PDE9A: variants seen among roughly 807,000 people sequenced by gnomAD.
PDE9A encodes high affinity cGMP-specific 3',5'-cyclic phosphodiesterase 9A.
A neutral mutation model predicts 87.4 loss-of-function variants in PDE9A; 60 were observed. The observed-to-expected ratio is 0.69, with a 90% CI of 0.56 to 0.85. PDE9A has a LOEUF of 0.85. Among genes scored for constraint, PDE9A ranks in the 40% least tolerant of loss-of-function variants. The probability of loss-of-function intolerance (pLI) is 0.00; values close to 1 mark genes in which losing one functional copy is unlikely to be tolerated. For synonymous variants in PDE9A, 272 were observed against 279.4 expected (o/e 0.97, Z 0.27); for missense variants, 665 against 779.0 (o/e 0.85, Z 1.74).
chr21:42,760,842 G>A lies in PDE9A; in HGVS notation c.1020G>A (p.Thr340=), dbSNP rs138593325. ...LCSLQEKFSQ[T]DILILMTAAI... Reference sequence around the variant, plus strand: ...CAATCCAGGAGAAGTTCTCACAAACGGATATCCTGATCCTAATGACAGCGG... The same window carrying A: ...CAATCCAGGAGAAGTTCTCACAAACAGATATCCTGATCCTAATGACAGCGG... Residue 340 remains threonine, a synonymous_variant, in exon 13 of 20, where the codon ACG becomes ACA. Coordinates refer to ENST00000291539, the MANE Select transcript of PDE9A (RefSeq NM_002606.3). The surrounding 1 kb of genome is among the most constrained non-coding windows in gnomAD (Gnocchi z 5.2). 1.2e-5 allele frequency: 20 copies of A among 1,608,556 alleles called. No individual in the cohort carries two copies. The East Asian group carries it at 3.4e-4, about 27-fold the overall frequency.
At chr21:42,679,345 C>T (rs188336339) in intron 1 of PDE9A, among the ~76,000 whole-genome samples, 169 of 152,304 alleles carry the variant, frequency 1.1e-3, no homozygotes, top group African/African-American at 3.7e-3. Context: ...CCCTCCCTCC[C>T]GCCCAGCTCA....
At chr21:42,769,673 TGCACACACAG>T (rs1201151353) in intron 17 of PDE9A, among the ~76,000 whole-genome samples, 3 of 38,014 alleles carry the variant, frequency 7.9e-5, no homozygotes, top group African/African-American at 2.2e-4. Flanking sequence ...GGCACACAAA[TGCACACACAG>T]GCACACACAT....
intron 1 of PDE9A, among the ~76,000 whole-genome samples, chr21:42,684,982 TA>T (rs10710961): frequency 0.41 from 60,122 of 146,280 alleles, 13,113 homozygotes; most frequent in African/African-American, 0.61. Context: ...AATCTTAGCT[TA>T]AAAAAAAAAA....
At chr21:42,677,025 G>C (rs182579257) in intron 1 of PDE9A, among the ~76,000 whole-genome samples, 1 of 152,174 alleles carries the variant, frequency 6.6e-6, no homozygotes, top group East Asian at 1.9e-4. Flanking sequence ...GGGAGGAGCA[G>C]AGCCCGCTCT....
At chr21:42,725,964 A>C (rs1009064576) in intron 4 of PDE9A, among the ~76,000 whole-genome samples, 1 of 152,168 alleles carries the variant, frequency 6.6e-6, no homozygotes, top group Admixed American at 6.5e-5. Context: ...CGAGTGAGTG[A>C]GCCGTGTTTC....
chr21:42,715,188 C>CTTTTT (rs369972172), intron 4 of PDE9A, among the ~76,000 whole-genome samples: 45 of 104,638 alleles, frequency 4.3e-4, no homozygotes, highest in African/African-American at 9.7e-4. Flanking sequence ...TGCATCTTTA[C>CTTTTT]TTTTTTTTTT....
intron 8 of PDE9A, among the ~76,000 whole-genome samples, chr21:42,747,419 CCG>C (rs2053978225): frequency 6.6e-6 from 1 of 152,212 alleles, no homozygotes; most frequent in Non-Finnish European, 1.5e-5. Flanking sequence ...TAGCTCAGCC[CCG>C]TGCCACACAA....
At chr21:42,773,712 A>G (rs926716763) in intron 19 of PDE9A, among the ~76,000 whole-genome samples, 1 of 146,396 alleles carries the variant, frequency 6.8e-6, no homozygotes, top group Non-Finnish European at 1.5e-5. Context: ...GAGGCAGGAG[A>G]ATGGAGTGAA....
chr21:42,714,632 G>GTTAGCTCTACCAGTATTTGTTGA (rs2049685075), intron 4 of PDE9A, among the ~76,000 whole-genome samples: 1 of 149,596 alleles, frequency 6.7e-6, no homozygotes, highest in Non-Finnish European at 1.5e-5. Flanking sequence ...TATGGTTGGG[G>GTTAGCTCTACCAGTATTTGTTGA]TTAGCTCTAC....
intron 7 of PDE9A, among the ~76,000 whole-genome samples, chr21:42,740,794 TA>T (rs2053170500): frequency 6.6e-6 from 1 of 151,490 alleles, no homozygotes. Flanking sequence ...GATAGATAGA[TA>T]GATAAACAGG....
intron 7 of PDE9A, among the ~76,000 whole-genome samples, chr21:42,743,541 C>T (rs930518100): frequency 1.3e-5 from 2 of 152,176 alleles, no homozygotes; most frequent in East Asian, 1.9e-4. Context: ...CGGATGGATG[C>T]GGTAGTGCAG....
Position 42,720,631 on chromosome 21 carries a change from A to C in PDE9A, c.263-11139A>C, listed in dbSNP as rs373594016. 1.2e-4 allele frequency among the ~76,000 whole-genome samples: 19 copies of C among 152,358 alleles called. No individual in the cohort carries two copies. The South Asian group carries it at 1.9e-3, about 15-fold the overall frequency. ...CGTCTTTGCAGCTCTAAATAGGAACATGGTGGAGTAGGGCAGGTCGGGCTT... is the reference window on the plus strand; with the variant it reads ...CGTCTTTGCAGCTCTAAATAGGAACCTGGTGGAGTAGGGCAGGTCGGGCTT... On this transcript the variant is annotated intron_variant, in intron 4 of 19. Transcript: ENST00000291539.
In PDE9A at chr21:42,695,129, A is replaced by C. The variant is rs1309459247; in HGVS notation, c.219-3839A>C. On this transcript the variant is annotated intron_variant, in intron 3 of 19. Coordinates refer to ENST00000291539, the MANE Select transcript of PDE9A (RefSeq NM_002606.3). This position sits in a 1 kb window ranked among gnomAD's most constrained non-coding sequence, Gnocchi z 4.3. ...AAATAACCTGGAACACGTTTACATC[A>C]TGGAAAATATGGAAAATAGGCTGAT... Among the ~76,000 whole-genome samples the C allele has an allele frequency of 1.3e-5, 2 of 152,236 alleles. No individual in the cohort carries two copies. Among genetic ancestry groups the C allele is most frequent in the Admixed American group, 1.3e-4 (2 of 15,292 alleles).
rs1052246031 is a variant in PDE9A at position 42,694,822 on chromosome 21, A to C, written c.219-4146A>C. ...AGTTCTCCAGTGGCCTGTTGGCTAC[A>C]GGACACTCTCCAGCCCCCCGCATTG... On this transcript the variant is annotated intron_variant, in intron 3 of 19. Coordinates refer to ENST00000291539, the MANE Select transcript of PDE9A (RefSeq NM_002606.3). The surrounding 1 kb of genome is among the most constrained non-coding windows in gnomAD (Gnocchi z 5.3). Among the ~76,000 whole-genome samples the C allele has an allele frequency of 2.6e-5, 4 of 152,182 alleles. No individual in the cohort carries two copies. Among genetic ancestry groups the C allele is most frequent in the African/African-American group, 9.7e-5 (4 of 41,444 alleles).
rs1292502338 is a variant in PDE9A at position 42,733,023 on chromosome 21, C to T, written c.498-333C>T. Among the ~76,000 whole-genome samples the T allele has an allele frequency of 2.6e-5, 4 of 152,200 alleles. No homozygotes were observed. The East Asian group carries it at 7.7e-4, about 29-fold the overall frequency. The stretch of plus-strand genomic sequence containing the variant: ...TGTCTGTGCCCATCAGGGGAAGGTG[C>T]GGGGACTGGACCATCTCAACTGCAT... On this transcript the variant is annotated intron_variant, in intron 6 of 19. Transcript: ENST00000291539.
intron 9 of PDE9A, among the ~76,000 whole-genome samples, chr21:42,752,414 A>C (rs1602466895): frequency 6.6e-6 from 1 of 151,976 alleles, no homozygotes; most frequent in African/African-American, 2.4e-5. Context: ...GATTACAGGC[A>C]CCCACCGCCA....
intron 1 of PDE9A, among the ~76,000 whole-genome samples, chr21:42,664,760 A>G (rs2057846062): frequency 1.3e-5 from 2 of 152,162 alleles, no homozygotes; most frequent in African/African-American, 4.8e-5. Flanking sequence ...CACCACTCTT[A>G]TCTGATGCCT....
At chr21:42,769,623 T>TGCACACACAG (rs1400246827) in intron 17 of PDE9A, among the ~76,000 whole-genome samples, 1 of 35,346 alleles carries the variant, frequency 2.8e-5, no homozygotes, top group African/African-American at 2.2e-4. Context: ...CAGGTACACA[T>TGCACACACAG]GCACACACAG....
intron 1 of PDE9A, among the ~76,000 whole-genome samples, chr21:42,654,547 A>G (rs2056905065): frequency 2.6e-5 from 4 of 152,130 alleles, no homozygotes; most frequent in Admixed American, 2.6e-4. Context: ...GCCGGCTTGG[A>G]AGGGGCTCTC....
Sources: allele counts gnomAD v4.1 joint callset (sites outside exome capture counted in the v4.1 genomes callset), GRCh38; gene constraint gnomAD v4.1.1; non-coding constraint Gnocchi (gnomAD v3.1); transcripts MANE v1.5; gene names NCBI Gene and HGNC (gene_info 2026-07-23, HGNC 2026-07-21).